Variants in CDC42BPB observed in about 807,000 individuals in gnomAD.
The protein encoded by CDC42BPB is serine/threonine-protein kinase MRCK beta.
In CDC42BPB, 37 loss-of-function variants were observed where a neutral mutation model predicts 214.9. That is an observed-to-expected ratio of 0.17 (90% CI 0.13 to 0.23). The LOEUF (loss-of-function observed/expected upper bound fraction) is 0.23, where lower values mean the gene tolerates loss of function less well. CDC42BPB is among the 10% of genes least tolerant of loss of function. The pLI, the probability that CDC42BPB is intolerant of heterozygous loss-of-function variation, is 1.00. For missense variants in CDC42BPB, 1,694 were observed against 2,227.0 expected, an observed-to-expected ratio of 0.76 and a Z score of 4.82; for synonymous variants, 931 against 884.0, an observed-to-expected ratio of 1.05 and a Z score of -0.94.
At chr14:102,960,661 T>C (rs567120757) in intron 20 of CDC42BPB, among the ~76,000 whole-genome samples, 1 of 152,066 alleles carries the variant, frequency 6.6e-6, no homozygotes, top group South Asian at 2.1e-4. Flanking sequence ...TTCTTCCCCA[T>C]GAACAATGGA....
At chr14:103,010,945 G>T (rs1371106926) in intron 2 of CDC42BPB, among the ~76,000 whole-genome samples, 3 of 152,208 alleles carry the variant, frequency 2.0e-5, no homozygotes, top group African/African-American at 7.2e-5. Context: ...CAGGAGAATG[G>T]CATGAAGCCA....
rs1307525336 is a variant in CDC42BPB at position 103,004,144 on chromosome 14, C to T, written c.352-121G>A. On this transcript the variant is annotated intron_variant, in intron 3 of 36. Transcript: ENST00000361246. This position sits in a 1 kb window ranked among gnomAD's most constrained non-coding sequence, Gnocchi z 5.3. ...AGCCACGGTGTCCCTGCCTTCCGGG[C>T]TCCTCCTCGTGCACCACCCCGAGGC... The T allele has an allele frequency of 4.3e-6, 6 of 1,408,820 alleles. No individual in the cohort carries two copies. Among genetic ancestry groups the T allele is most frequent in the African/African-American group, 1.4e-5 (1 of 69,604 alleles). The allele number at this position is 1,408,820 out of a possible 1,614,324, so 87.3% of individuals were successfully genotyped here. A position where few individuals can be genotyped will look rare whatever the true frequency, so the allele number is the denominator to read the frequency against.
At chr14:103,038,723 G>GC (rs1057074515) in intron 1 of CDC42BPB, among the ~76,000 whole-genome samples, 1 of 114,502 alleles carries the variant, frequency 8.7e-6, no homozygotes, top group Non-Finnish European at 1.8e-5. Context: ...GACGGGGGGG[G>GC]GGGGCGGGTC....
intron 4 of CDC42BPB, among the ~76,000 whole-genome samples, chr14:103,000,607 G>T (rs1894934494): frequency 6.6e-6 from 1 of 152,248 alleles, no homozygotes; most frequent in African/African-American, 2.4e-5. Context: ...CTTCCTTGGT[G>T]CAAATTTCCT....
At chr14:102,997,549 G>A (rs1249998242) in intron 5 of CDC42BPB, among the ~76,000 whole-genome samples, 1 of 152,204 alleles carries the variant, frequency 6.6e-6, no homozygotes, top group East Asian at 1.9e-4. Flanking sequence ...AGGAACCAAC[G>A]TGGAAGAGAG....
chr14:102,962,601 G>C (rs1893010562), intron 20 of CDC42BPB, among the ~76,000 whole-genome samples: 1 of 152,230 alleles, frequency 6.6e-6, no homozygotes, highest in African/African-American at 2.4e-5. Flanking sequence ...TGTAATTCCA[G>C]CACTTTGGGA....
intron 4 of CDC42BPB, among the ~76,000 whole-genome samples, chr14:103,003,516 G>A (rs920922974): frequency 1.3e-5 from 2 of 152,200 alleles, no homozygotes; most frequent in Admixed American, 6.5e-5. Flanking sequence ...CCCCCACCGC[G>A]GGAAGACAGG....
intron 13 of CDC42BPB, chr14:102,970,567 G>C (rs1184879095): frequency 1.2e-5 from 2 of 169,748 alleles, no homozygotes; most frequent in Non-Finnish European, 2.4e-5. Context: ...GATATCTGTA[G>C]AACTTGAATT....
chr14:102,940,218 C>T lies in CDC42BPB; in HGVS notation c.4506+9G>A, dbSNP rs771577539. The T allele has an allele frequency of 6.2e-7, 1 of 1,606,714 alleles. No individual in the cohort carries two copies. The highest frequency in any genetic ancestry group is 8.5e-7 in the Non-Finnish European group (1 of 1,176,940). On this transcript the variant is annotated intron_variant, in intron 31 of 36. Coordinates refer to ENST00000361246, the MANE Select transcript of CDC42BPB (RefSeq NM_006035.4). ...CCGCCCGCACAGGAGGGCACCGAGGCCGCCTTACCCTCCGCAGGCCGATGG... is the reference window on the plus strand; with the variant it reads ...CCGCCCGCACAGGAGGGCACCGAGGTCGCCTTACCCTCCGCAGGCCGATGG...
At chr14:102,978,704 T>C (rs1893867098) in intron 8 of CDC42BPB, among the ~76,000 whole-genome samples, 1 of 152,214 alleles carries the variant, frequency 6.6e-6, no homozygotes. Flanking sequence ...GATCTTTCTT[T>C]ATTAAAAACT....
At chr14:102,958,790 C>T (rs1892823930) in intron 21 of CDC42BPB, among the ~76,000 whole-genome samples, 3 of 152,112 alleles carry the variant, frequency 2.0e-5, no homozygotes, top group South Asian at 4.1e-4. Context: ...CCGAACTCTA[C>T]AGCTACACAG....
intron 36 of CDC42BPB, 138 bp from the exon 37 acceptor site, chr14:102,933,981 G>A (rs989683657): frequency 4.8e-5 from 67 of 1,397,940 alleles, no homozygotes; most frequent in African/African-American, 4.7e-4. Flanking sequence ...AAACACACAC[G>A]CTCTACACCA....
At chr14:102,969,348 TGGACAGCTGC>T (rs1893368069) in intron 14 of CDC42BPB, among the ~76,000 whole-genome samples, 1 of 152,068 alleles carries the variant, frequency 6.6e-6, no homozygotes, top group Non-Finnish European at 1.5e-5. Context: ...GGGTAGCTGC[TGGACAGCTGC>T]GGAGCCACGG....
At chr14:102,986,772 C>T (rs3818288) in intron 5 of CDC42BPB, 192 bp from the exon 6 acceptor site, 187,513 of 975,514 alleles carry the variant, frequency 0.19, 18,698 homozygotes, top group South Asian at 0.25. Flanking sequence ...CACTGCCCCT[C>T]GTTTAGTCCC....
At chr14:102,938,547 T>C (rs988365496) in intron 34 of CDC42BPB, 136 bp from the exon 35 acceptor site, 3 of 1,427,810 alleles carry the variant, frequency 2.1e-6, no homozygotes, top group Admixed American at 3.1e-5. Context: ...CTCTCTGGAT[T>C]GGACAAGGGT....
Position 102,980,992 on chromosome 14 carries a change from C to G in CDC42BPB, c.921G>C (p.Thr307=), listed in dbSNP as rs1028532359. Reference sequence around the variant, plus strand: ...GGTCCTTCGCTTCTTCAGATACATCCGTGACATGGGATGGGAACTGGAATC... The same window carrying G: ...GGTCCTTCGCTTCTTCAGATACATCGGTGACATGGGATGGGAACTGGAATC... ...EERFQFPSHV[T]DVSEEAKDLI... Residue 307 remains threonine (T), a synonymous_variant, in exon 8 of 37, where the codon ACG becomes ACC. Transcript: ENST00000361246. 1.2e-6 allele frequency: 2 copies of G among 1,614,096 alleles called. No homozygotes were observed. Among genetic ancestry groups the G allele is most frequent in the Admixed American group, 3.3e-5 (2 of 60,008 alleles).
At chr14:102,946,759 T>C in intron 27 of CDC42BPB, 75 bp from the exon 28 acceptor site, 1 of 1,561,242 alleles carries the variant, frequency 6.4e-7, no homozygotes, top group South Asian at 1.2e-5. Context: ...ACGGCCCTGC[T>C]GGAGCCACGC....
intron 1 of CDC42BPB, 74 bp from the exon 2 acceptor site, chr14:103,012,262 T>C (rs1886200263): frequency 1.3e-6 from 2 of 1,494,702 alleles, no homozygotes; most frequent in East Asian, 4.7e-5. Flanking sequence ...TTGAGTGGGG[T>C]GTTGCACTAA....
At chr14:103,053,653 T>C (rs1307142920) in intron 1 of CDC42BPB, among the ~76,000 whole-genome samples, 2 of 148,816 alleles carry the variant, frequency 1.3e-5, no homozygotes, top group South Asian at 2.2e-4. Flanking sequence ...TCCCAGCTAC[T>C]CAGGAGGCTG....
Sources: allele counts gnomAD v4.1 joint callset (sites outside exome capture counted in the v4.1 genomes callset), GRCh38; gene constraint gnomAD v4.1.1; non-coding constraint Gnocchi (gnomAD v3.1); transcripts MANE v1.5; gene names NCBI Gene and HGNC (gene_info 2026-07-23, HGNC 2026-07-21).